The following LOC400499 variants were observed in gnomAD, a reference collection of about 807,000 sequenced individuals.
chr16:11,383,784 C>G, the LOC400499 span: 23 of 1,232,086 alleles, frequency 1.9e-5, no homozygotes, highest in Non-Finnish European at 2.3e-5. Flanking sequence ...TAGGGTCTAC[C>G]TGAAATCAGG....
At chr16:11,449,031 A>G in the LOC400499 span, 1 of 1,515,806 alleles carries the variant, frequency 6.6e-7, no homozygotes, top group African/African-American at 1.4e-5. Context: ...CTCGCCCTGC[A>G]CTGCTGCGTT....
At chr16:11,494,240 T>C in the LOC400499 span, among the ~76,000 whole-genome samples, 109 of 148,850 alleles carry the variant, frequency 7.3e-4, 1 homozygote, top group Non-Finnish European at 1.2e-3. Flanking sequence ...TAGGGGCCAA[T>C]TTCTGTCCCC....
the LOC400499 span, among the ~76,000 whole-genome samples, chr16:11,433,645 A>G: frequency 6.6e-6 from 1 of 152,186 alleles, no homozygotes; most frequent in Non-Finnish European, 1.5e-5. Flanking sequence ...AGATCAAGCC[A>G]TGATTAGAGG....
At chr16:11,500,776 G>A in the LOC400499 span, 2 of 399,028 alleles carry the variant, frequency 5.0e-6, no homozygotes, top group African/African-American at 4.1e-5. Context: ...GAGGACACCG[G>A]GGCCCCGGGT....
the LOC400499 span, among the ~76,000 whole-genome samples, chr16:11,453,621 G>A: frequency 6.6e-6 from 1 of 152,010 alleles, no homozygotes; most frequent in Non-Finnish European, 1.5e-5. Flanking sequence ...AGCATATGAA[G>A]TCGAGGAAAT....
the LOC400499 span, among the ~76,000 whole-genome samples, chr16:11,457,776 C>T: frequency 6.6e-6 from 1 of 152,130 alleles, no homozygotes; most frequent in African/African-American, 2.4e-5. Flanking sequence ...ACATGTCCAT[C>T]AACAGATGAA....
At chr16:11,398,345 C>G in the LOC400499 span, 2 of 1,232,298 alleles carry the variant, frequency 1.6e-6, no homozygotes, top group Non-Finnish European at 2.0e-6. Flanking sequence ...AGGGCAGACT[C>G]ACCCTGGGCA....
At chr16:11,462,420 G>C in the LOC400499 span, 1 of 1,299,518 alleles carries the variant, frequency 7.7e-7, no homozygotes, top group African/African-American at 1.5e-5. Context: ...CTTCTACACC[G>C]ATCCTTACCC....
chr16:11,384,934 G>C, the LOC400499 span: 1 of 1,232,144 alleles, frequency 8.1e-7, no homozygotes. Context: ...CGGTGGGCAC[G>C]TCACAGGAGA....
chr16:11,446,879 G>C, the LOC400499 span: 1 of 1,535,898 alleles, frequency 6.5e-7, no homozygotes. Context: ...TGCAGGAGGA[G>C]GCTCTGCGGG....
the LOC400499 span, among the ~76,000 whole-genome samples, chr16:11,488,080 G>A: frequency 6.7e-6 from 1 of 149,260 alleles, no homozygotes; most frequent in African/African-American, 2.5e-5. Flanking sequence ...TTGTGCCACT[G>A]TACTCCAGCC....
the LOC400499 span, among the ~76,000 whole-genome samples, chr16:11,448,626 CT>C: frequency 6.6e-6 from 1 of 152,170 alleles, no homozygotes; most frequent in African/African-American, 2.4e-5. Flanking sequence ...ACTTAGTAGG[CT>C]GAGCGGGGAG....
the LOC400499 span, chr16:11,414,518 G>C: frequency 2.5e-6 from 1 of 399,866 alleles, no homozygotes; most frequent in Non-Finnish European, 4.4e-6. Context: ...TCTAGAGACA[G>C]AGAATGGCAT....
At chr16:11,495,122 T>C in the LOC400499 span, among the ~76,000 whole-genome samples, 1 of 150,426 alleles carries the variant, frequency 6.6e-6, no homozygotes, top group Non-Finnish European at 1.5e-5. Context: ...GGCACAAGAA[T>C]CCCTTGAACC....
chr16:11,417,891 C>G, the LOC400499 span: 1 of 398,428 alleles, frequency 2.5e-6, no homozygotes, highest in Non-Finnish European at 4.4e-6. Context: ...GAGAGCCAGC[C>G]TGGGTCAAGC....
chr16:11,391,161 G>A, the LOC400499 span, among the ~76,000 whole-genome samples: 21 of 152,248 alleles, frequency 1.4e-4, no homozygotes, highest in African/African-American at 5.1e-4. Flanking sequence ...CCAGTCAGAG[G>A]GATGCCCACC....
chr16:11,398,461 C>A, the LOC400499 span: 1 of 1,232,286 alleles, frequency 8.1e-7, no homozygotes. Flanking sequence ...AGGACGTGCT[C>A]CAGCGTGGCC....
At chr16:11,402,453 G>A in the LOC400499 span, among the ~76,000 whole-genome samples, 550 of 152,296 alleles carry the variant, frequency 3.6e-3, 3 homozygotes, top group African/African-American at 0.012. Flanking sequence ...GGCTGGCCTC[G>A]TGACGTGCTA....
the LOC400499 span, among the ~76,000 whole-genome samples, chr16:11,416,041 C>T: frequency 2.6e-5 from 4 of 151,798 alleles, no homozygotes; most frequent in African/African-American, 4.8e-5. Context: ...CTGCAACCTC[C>T]GCCTCCCAGG....
Sources: allele counts gnomAD v4.1 joint callset (sites outside exome capture counted in the v4.1 genomes callset), GRCh38; gene constraint gnomAD v4.1.1; transcripts MANE v1.5.